The following OPCML variants were observed in gnomAD, a reference collection of about 807,000 sequenced individuals.
OPCML encodes the protein opioid binding protein/cell adhesion molecule like.
OPCML carries 13 observed loss-of-function variants against 37.8 expected under a neutral mutation model. The observed-to-expected ratio is 0.34, with a 90% CI of 0.22 to 0.55. The LOEUF is 0.55. Ranked by LOEUF, OPCML falls within the 20% of genes least tolerant of loss-of-function variation. The probability of loss-of-function intolerance (pLI) is 0.91; values close to 1 mark genes in which losing one functional copy is unlikely to be tolerated. For synonymous variants in OPCML, 176 were observed against 168.8 expected (o/e 1.04, Z -0.33); for missense variants, 341 against 435.6 (o/e 0.78, Z 1.93).
At chr11:133,029,591 C>T (rs2136920696) in intron 1 of OPCML, among the ~76,000 whole-genome samples, 1 of 152,214 alleles carries the variant, frequency 6.6e-6, no homozygotes, top group East Asian at 1.9e-4. Flanking sequence ...CAGCTGGAGG[C>T]CATTCTCCTG....
At chr11:132,489,562 A>G (rs2137061038) in intron 4 of OPCML, among the ~76,000 whole-genome samples, 1 of 152,298 alleles carries the variant, frequency 6.6e-6, no homozygotes, top group South Asian at 2.1e-4. Flanking sequence ...ATATGAGTAA[A>G]GCATTGTGCT....
intron 1 of OPCML, among the ~76,000 whole-genome samples, chr11:132,983,595 C>T (rs1946633456): frequency 6.6e-6 from 1 of 152,184 alleles, no homozygotes; most frequent in South Asian, 2.1e-4. Flanking sequence ...GAGATCACAT[C>T]TCATTTTTCT....
intron 2 of OPCML, among the ~76,000 whole-genome samples, chr11:132,721,560 C>G (rs1944670904): frequency 1.3e-5 from 2 of 152,004 alleles, no homozygotes; most frequent in African/African-American, 4.8e-5. Flanking sequence ...GGTACCCAGG[C>G]AGAATATTAA....
chr11:133,307,750 C>T (rs1034528221), intron 1 of OPCML, among the ~76,000 whole-genome samples: 3 of 152,110 alleles, frequency 2.0e-5, no homozygotes, highest in Non-Finnish European at 2.9e-5. Context: ...TTAACTGTGC[C>T]ACATTCACAG....
chr11:133,363,621 C>T lies in OPCML; in HGVS notation c.61+168643G>A, dbSNP rs79539134. 2.6e-4 allele frequency among the ~76,000 whole-genome samples: 40 copies of T among 152,308 alleles called. No individual in the cohort carries two copies. In the East Asian group the frequency reaches 7.6e-3, roughly 29 times the overall value. Reference sequence around the variant, plus strand: ...GTGCAGAGGCACAGTCTTTCCTATGCACGTGTGTTCTCGCACCTGCATGGA... The same window carrying T: ...GTGCAGAGGCACAGTCTTTCCTATGTACGTGTGTTCTCGCACCTGCATGGA... On this transcript the variant is annotated intron_variant, in intron 1 of 7. Coordinates refer to ENST00000524381, the MANE Select transcript of OPCML (RefSeq NM_001012393.5).
intron 2 of OPCML, among the ~76,000 whole-genome samples, chr11:132,851,733 T>C (rs1941817882): frequency 6.6e-6 from 1 of 152,174 alleles, no homozygotes; most frequent in Admixed American, 6.5e-5. Flanking sequence ...TTTCCCCAAT[T>C]TATAGAAGAG....
chr11:133,140,519 T>TAAG (rs1488982025), intron 1 of OPCML, among the ~76,000 whole-genome samples: 11 of 68,112 alleles, frequency 1.6e-4, no homozygotes, highest in African/African-American at 5.0e-4. Context: ...CTCAAAATAA[T>TAAG]AATAATAATA....
In OPCML at chr11:132,437,271, C is replaced by T. The variant is rs780936478; in HGVS notation, c.594G>A (p.Leu198=). ...GCACATCGGGCGCAGCGACATCGTT[C>T]AACGCGCTGCATTCGTACTCCCCGG... The part of the protein sequence containing the change: ...DQSGEYECSA[L]NDVAAPDVRK... Residue 198 remains leucine (L), a synonymous_variant, in exon 5 of 8, where the codon TTG becomes TTA. Transcript: ENST00000524381. 1.2e-6 allele frequency: 2 copies of T among 1,614,198 alleles called. No homozygotes were observed. Among genetic ancestry groups the T allele is most frequent in the Non-Finnish European group, 1.7e-6 (2 of 1,180,034 alleles).
chr11:132,734,096 T>A (rs1183825570), intron 2 of OPCML, among the ~76,000 whole-genome samples: 2 of 152,200 alleles, frequency 1.3e-5, no homozygotes, highest in African/African-American at 4.8e-5. Flanking sequence ...CAATAACCTA[T>A]CTAAAGTACT....
At chr11:133,223,572 A>C (rs1463932304) in intron 1 of OPCML, among the ~76,000 whole-genome samples, 1 of 152,198 alleles carries the variant, frequency 6.6e-6, no homozygotes, top group African/African-American at 2.4e-5. Context: ...CCAGGGGAGC[A>C]CTTAGAGAAA....
At chr11:133,313,983 C>T (rs911854609) in intron 1 of OPCML, among the ~76,000 whole-genome samples, 1 of 152,038 alleles carries the variant, frequency 6.6e-6, no homozygotes, top group Admixed American at 6.5e-5. Flanking sequence ...CGCCTGTAAT[C>T]CCAGCACTTT....
intron 1 of OPCML, among the ~76,000 whole-genome samples, chr11:133,446,749 T>A (rs566682095): frequency 6.6e-6 from 1 of 152,348 alleles, no homozygotes; most frequent in East Asian, 1.9e-4. Flanking sequence ...TTTTTCTCTA[T>A]AGATTTGCCT....
chr11:133,155,029 G>A (rs1198349723), intron 1 of OPCML, among the ~76,000 whole-genome samples: 12 of 149,540 alleles, frequency 8.0e-5, no homozygotes, highest in Admixed American at 8.0e-4. Context: ...ATTTCCACAG[G>A]AGGCACACTC....
chr11:132,988,088 C>T (rs1217396686), intron 1 of OPCML, among the ~76,000 whole-genome samples: 4 of 152,180 alleles, frequency 2.6e-5, no homozygotes, highest in Admixed American at 2.6e-4. Context: ...GACAGCGCAT[C>T]CACGCCTTTG....
intron 1 of OPCML, chr11:133,004,901 C>T: frequency 1.0e-6 from 1 of 985,418 alleles, no homozygotes; most frequent in Non-Finnish European, 1.2e-6. Flanking sequence ...GTATCCCTCA[C>T]TAGCTTCTGT....
At chr11:133,351,780 C>T (rs1188856920) in intron 1 of OPCML, among the ~76,000 whole-genome samples, 1 of 152,138 alleles carries the variant, frequency 6.6e-6, no homozygotes, top group Admixed American at 6.5e-5. Flanking sequence ...CACACACACA[C>T]ACGTACACAT....
intron 1 of OPCML, among the ~76,000 whole-genome samples, chr11:133,529,424 C>T (rs193024132): frequency 4.8e-4 from 73 of 152,326 alleles, no homozygotes; most frequent in South Asian, 1.2e-3. Flanking sequence ...TCCAGAGCCT[C>T]GGACTGTGCC....
chr11:132,458,328 C>T (rs1448623478), intron 4 of OPCML, among the ~76,000 whole-genome samples: 5 of 152,162 alleles, frequency 3.3e-5, no homozygotes, highest in Admixed American at 6.5e-5. Context: ...CTTCCTCTGG[C>T]CAACCACAGT....
intron 2 of OPCML, among the ~76,000 whole-genome samples, chr11:132,662,070 T>C (rs1481655756): frequency 6.6e-6 from 1 of 152,080 alleles, no homozygotes; most frequent in Non-Finnish European, 1.5e-5. Flanking sequence ...AGATTCAGGG[T>C]CGTTTTGTTT....
Sources: gnomAD v4.1 joint callset for allele counts (sites outside exome capture counted in the v4.1 genomes callset) on GRCh38, gnomAD v4.1.1 for gene constraint, MANE v1.5 for transcripts, NCBI Gene and HGNC (gene_info 2026-07-23, HGNC 2026-07-21) for gene names.